The following SESN1 variants were observed in gnomAD, a reference collection of about 807,000 sequenced individuals.
SESN1 encodes sestrin-1.
In SESN1, 30 loss-of-function variants were observed where a neutral mutation model predicts 59.3. The observed-to-expected ratio is 0.51, with a 90% CI of 0.38 to 0.69. The LOEUF is 0.69. SESN1 is among the 30% of genes least tolerant of loss of function. SESN1 has a pLI of 0.00. For missense variants in SESN1, 566 were observed against 673.0 expected, an observed-to-expected ratio of 0.84 and a Z score of 1.76; for synonymous variants, 197 against 219.9, an observed-to-expected ratio of 0.90 and a Z score of 0.92.
At chr6:108,994,696 ATC>A (rs1484829168) in intron 5 of SESN1, 87 bp from the exon 6 acceptor site, 27 of 628,428 alleles carry the variant, frequency 4.3e-5, no homozygotes, top group Non-Finnish European at 5.0e-5. Context: ...AAGAATTTAT[ATC>A]TTTTTTTTTT....
chr6:109,067,079 G>C (rs759597973), intron 1 of SESN1, among the ~76,000 whole-genome samples: 12 of 152,084 alleles, frequency 7.9e-5, no homozygotes, highest in Non-Finnish European at 1.6e-4. Context: ...ATTTAATCTG[G>C]TTGCTTTTCT....
At chr6:109,061,118 ATC>A (rs1780723843) in intron 1 of SESN1, among the ~76,000 whole-genome samples, 1 of 152,204 alleles carries the variant, frequency 6.6e-6, no homozygotes, top group African/African-American at 2.4e-5. Flanking sequence ...TCAGTTGTAT[ATC>A]TGACTTTAAA....
intron 1 of SESN1, chr6:109,090,472 A>G (rs1781293430): frequency 6.6e-6 from 1 of 152,230 alleles, no homozygotes; most frequent in Non-Finnish European, 1.5e-5. Context: ...CTGATAATAT[A>G]AACAGTCAAT....
At chr6:108,997,809 C>G (rs914844131) in intron 5 of SESN1, among the ~76,000 whole-genome samples, 5 of 152,092 alleles carry the variant, frequency 3.3e-5, no homozygotes, top group African/African-American at 9.7e-5. Context: ...AAAATAAACC[C>G]TTGCTTTTTC....
intron 1 of SESN1, among the ~76,000 whole-genome samples, chr6:109,042,322 G>C (rs1280371158): frequency 6.6e-6 from 1 of 151,620 alleles, no homozygotes; most frequent in Non-Finnish European, 1.5e-5. Flanking sequence ...TATAAACTGA[G>C]AATCAAGCAG....
intron 1 of SESN1, among the ~76,000 whole-genome samples, chr6:109,081,767 A>G (rs1220206948): frequency 6.6e-6 from 1 of 152,188 alleles, no homozygotes; most frequent in African/African-American, 2.4e-5. Context: ...GCCAGATATT[A>G]CCAAGCAAAT....
rs60416835 is a variant in SESN1 at position 109,087,470 on chromosome 6, A to G, written c.279+6325T>C. On this transcript the variant is annotated intron_variant, in intron 1 of 9. Coordinates refer to ENST00000436639, the MANE Select transcript of SESN1 (RefSeq NM_014454.3). ...GCAAGGAAGGAAAGTGGTCAAAGAC[A>G]CGAATGAGAGGAGGCAATGAGAAGT... Among the ~76,000 whole-genome samples, 1,093 of 152,360 alleles carry G rather than the reference A, an allele frequency of 7.2e-3. 11 individuals are homozygous for G. The highest frequency in any genetic ancestry group is 0.025 in the African/African-American group (1,026 of 41,592).
intron 1 of SESN1, chr6:109,059,502 T>G (rs559558486): frequency 6.6e-6 from 1 of 152,336 alleles, no homozygotes; most frequent in South Asian, 2.1e-4. Flanking sequence ...GTTTGTATTT[T>G]TATTTTTAAA....
At chr6:109,079,365 G>T (rs368484488) in intron 1 of SESN1, among the ~76,000 whole-genome samples, 1 of 152,128 alleles carries the variant, frequency 6.6e-6, no homozygotes, top group Admixed American at 6.6e-5. Flanking sequence ...ATAACAGTTA[G>T]ACTTTCCATC....
chr6:109,074,949 C>T lies in SESN1; in HGVS notation c.279+18846G>A, dbSNP rs527565367. ...CAAGAGTCATGGAGGAAAGGAAGAACGAGGAAGATGAAGAAGCTGCTAGAG... is the reference window on the plus strand; with the variant it reads ...CAAGAGTCATGGAGGAAAGGAAGAATGAGGAAGATGAAGAAGCTGCTAGAG... On this transcript the variant is annotated intron_variant, in intron 1 of 9. Transcript: ENST00000436639. Among the ~76,000 whole-genome samples the T allele has an allele frequency of 5.1e-4, 78 of 152,240 alleles. No homozygotes were observed. The South Asian group carries it at 0.015, about 29-fold the overall frequency.
At chr6:109,086,158 A>G (rs1170563431) in intron 1 of SESN1, among the ~76,000 whole-genome samples, 1 of 152,174 alleles carries the variant, frequency 6.6e-6, no homozygotes, top group Non-Finnish European at 1.5e-5. Flanking sequence ...CAGGAGTTCA[A>G]GACCAGTCTG....
chr6:109,070,826 T>C (rs774953657), intron 1 of SESN1, among the ~76,000 whole-genome samples: 2 of 152,214 alleles, frequency 1.3e-5, no homozygotes, highest in Non-Finnish European at 2.9e-5. Flanking sequence ...TCTGATCCAG[T>C]AGAACTGGGG....
At chr6:109,056,124 T>C (rs1045976044) in intron 1 of SESN1, among the ~76,000 whole-genome samples, 10 of 152,190 alleles carry the variant, frequency 6.6e-5, no homozygotes, top group African/African-American at 2.4e-4. Flanking sequence ...AGAGTAATTT[T>C]CACTGGGTGC....
At chr6:109,030,230 CG>C (rs1437337854) in intron 1 of SESN1, among the ~76,000 whole-genome samples, 1 of 151,986 alleles carries the variant, frequency 6.6e-6, no homozygotes. Context: ...TAGGACCCCC[CG>C]ATCTAAGAAT....
At chr6:109,006,702 T>C (rs1341159238) in intron 1 of SESN1, among the ~76,000 whole-genome samples, 2 of 152,196 alleles carry the variant, frequency 1.3e-5, no homozygotes, top group East Asian at 3.8e-4. Context: ...TCTTGGTTTA[T>C]AAAAAGTTTC....
At chr6:109,003,460 C>G (rs1191550762) in intron 1 of SESN1, among the ~76,000 whole-genome samples, 4 of 152,050 alleles carry the variant, frequency 2.6e-5, no homozygotes, top group Non-Finnish European at 5.9e-5. Flanking sequence ...TAAAGCAGAA[C>G]AGGCTTTTAA....
intron 1 of SESN1, among the ~76,000 whole-genome samples, chr6:109,035,521 G>C (rs1780236472): frequency 6.6e-6 from 1 of 151,136 alleles, no homozygotes; most frequent in East Asian, 1.9e-4. Context: ...TGGGGACAAA[G>C]GCAAAGATGT....
At chr6:109,003,991 C>T (rs1325098002) in intron 1 of SESN1, among the ~76,000 whole-genome samples, 1 of 152,036 alleles carries the variant, frequency 6.6e-6, no homozygotes, top group African/African-American at 2.4e-5. Context: ...TGTTTTATAA[C>T]TAAGAGACTT....
At chr6:109,009,240 G>A (rs1286900776) in intron 1 of SESN1, 1 of 995,270 alleles carries the variant, frequency 1.0e-6, no homozygotes, top group Non-Finnish European at 1.3e-6. Context: ...AGCGTTTTCG[G>A]ATGCTGACCG....
Sources: allele counts gnomAD v4.1 joint callset (sites outside exome capture counted in the v4.1 genomes callset), GRCh38; gene constraint gnomAD v4.1.1; transcripts MANE v1.5; gene names NCBI Gene and HGNC (gene_info 2026-07-23, HGNC 2026-07-21).